Variants in PLPPR5 observed in about 807,000 individuals in gnomAD.
PLPPR5 encodes phospholipid phosphatase-related protein type 5.
A neutral mutation model predicts 33.9 loss-of-function variants in PLPPR5; 16 were observed. The observed-to-expected ratio is 0.47, with a 90% CI of 0.32 to 0.72. The LOEUF (loss-of-function observed/expected upper bound fraction) is 0.72, where lower values mean the gene tolerates loss of function less well. PLPPR5 is among the 30% of genes least tolerant of loss of function. The pLI is 0.03. For missense variants in PLPPR5, 301 were observed against 406.7 expected, an observed-to-expected ratio of 0.74 and a Z score of 2.23; for synonymous variants, 163 against 150.3, an observed-to-expected ratio of 1.08 and a Z score of -0.62.
intron 3 of PLPPR5, among the ~76,000 whole-genome samples, chr1:98,926,939 A>T (rs2101169513): frequency 6.6e-6 from 1 of 152,294 alleles, no homozygotes; most frequent in South Asian, 2.1e-4. Context: ...TGATTCACTG[A>T]TAAATTTGCC....
chr1:98,907,151 C>T (rs958180195), intron 5 of PLPPR5, among the ~76,000 whole-genome samples: 12 of 150,322 alleles, frequency 8.0e-5, no homozygotes, highest in Non-Finnish European at 1.3e-4. Flanking sequence ...ATTTCCTTGA[C>T]TGTGGAAAGA....
chr1:98,954,870 T>C (rs768962090), intron 2 of PLPPR5, among the ~76,000 whole-genome samples: 12 of 152,124 alleles, frequency 7.9e-5, no homozygotes, highest in Admixed American at 7.2e-4. Flanking sequence ...CTTTGAAATC[T>C]AGGCTGTTTG....
chr1:98,922,131 G>A (rs1649579820), intron 3 of PLPPR5, 73 bp from the exon 4 acceptor site: 8 of 1,353,944 alleles, frequency 5.9e-6, no homozygotes, highest in Non-Finnish European at 7.2e-6. Context: ...TTATGTGTAT[G>A]TACAAACATA....
At chr1:98,922,853 C>T (rs771355782) in intron 3 of PLPPR5, among the ~76,000 whole-genome samples, 4 of 152,000 alleles carry the variant, frequency 2.6e-5, no homozygotes, top group African/African-American at 7.2e-5. Flanking sequence ...GGCGTGGTGG[C>T]GGGCACCTGT....
At chr1:98,952,209 G>A (rs1650809690) in intron 3 of PLPPR5, among the ~76,000 whole-genome samples, 1 of 150,452 alleles carries the variant, frequency 6.6e-6, no homozygotes, top group Admixed American at 6.7e-5. Context: ...CTTGCAGTGA[G>A]CTGAGATTGC....
At chr1:98,990,137 G>A (rs2100759762) in intron 1 of PLPPR5, among the ~76,000 whole-genome samples, 1 of 152,302 alleles carries the variant, frequency 6.6e-6, no homozygotes, top group Non-Finnish European at 1.5e-5. Context: ...GGGAGGCCAA[G>A]GTGGGTGGAT....
chr1:98,907,056 A>C (rs1648925634), intron 5 of PLPPR5, among the ~76,000 whole-genome samples: 1 of 151,990 alleles, frequency 6.6e-6, no homozygotes, highest in South Asian at 2.1e-4. Context: ...TTTTAATCCC[A>C]CCACGGCATT....
intron 1 of PLPPR5, among the ~76,000 whole-genome samples, chr1:98,993,148 G>A (rs1222292767): frequency 6.6e-6 from 1 of 152,118 alleles, no homozygotes; most frequent in East Asian, 1.9e-4. Flanking sequence ...TAACTCATTA[G>A]TTGCATAACC....
chr1:98,904,575 C>T (rs886153773), intron 5 of PLPPR5, among the ~76,000 whole-genome samples: 1 of 151,976 alleles, frequency 6.6e-6, no homozygotes. Flanking sequence ...TTCTATATGG[C>T]ATCAGTTAAA....
chr1:99,000,851 A>G (rs2100769037), intron 1 of PLPPR5, among the ~76,000 whole-genome samples: 1 of 152,292 alleles, frequency 6.6e-6, no homozygotes, highest in Non-Finnish European at 1.5e-5. Context: ...CCTTAGGATC[A>G]GTTACTATGG....
chr1:98,893,591 C>T (rs902254634), intron 5 of PLPPR5, among the ~76,000 whole-genome samples: 2 of 148,120 alleles, frequency 1.4e-5, no homozygotes, highest in South Asian at 4.3e-4. Context: ...CTGTTGTTTA[C>T]CTCTACCACA....
rs1165266027 is a variant in PLPPR5 at position 99,004,661 on chromosome 1, A to G, written c.11T>C (p.Leu4Pro). The change falls in exon 1 of 6, where the codon CTG becomes CCG. Residue 4 changes from leucine (L) to proline (P), a missense_variant. Coordinates refer to ENST00000263177, the MANE Select transcript of PLPPR5 (RefSeq NM_001037317.2). Reference protein sequence around the residue: MPLLPAALTSSMLY... With the variant: MPLPPAALTSSMLY... ...CATGCTGCTGGTGAGCGCCGCGGGC[A>G]GCAGGGGCATGCACGCCTCCCGGGC... is the stretch of plus-strand genomic sequence containing the variant. The G allele has an allele frequency of 6.2e-7, 1 of 1,610,608 alleles. No homozygotes were observed. The highest frequency in any genetic ancestry group is 1.1e-5 in the South Asian group (1 of 90,822).
At chr1:98,935,910 C>G in intron 3 of PLPPR5, among the ~76,000 whole-genome samples, 1 of 152,218 alleles carries the variant, frequency 6.6e-6, no homozygotes, top group East Asian at 1.9e-4. Context: ...CCACCCAGAA[C>G]GAAGTGCCCA....
chr1:98,893,715 G>A (rs1260475347), intron 5 of PLPPR5, among the ~76,000 whole-genome samples: 1 of 144,572 alleles, frequency 6.9e-6, no homozygotes, highest in Non-Finnish European at 1.5e-5. Flanking sequence ...GCATGCAACA[G>A]GCCATGTCAT....
intron 1 of PLPPR5, among the ~76,000 whole-genome samples, chr1:98,995,648 A>G (rs1036886902): frequency 1.3e-5 from 2 of 152,018 alleles, no homozygotes; most frequent in African/African-American, 4.8e-5. Context: ...GAGCATGTCA[A>G]CTTGGGGACC....
At chr1:98,956,807 T>C in intron 1 of PLPPR5, 66 bp from the exon 2 acceptor site, 2 of 1,285,454 alleles carry the variant, frequency 1.6e-6, no homozygotes, top group East Asian at 2.8e-5. Flanking sequence ...AATATTTTTA[T>C]TTTAAAAATG....
chr1:98,989,312 A>G (rs1292876764), intron 1 of PLPPR5, among the ~76,000 whole-genome samples: 4 of 151,834 alleles, frequency 2.6e-5, no homozygotes. Flanking sequence ...TCATAATAGT[A>G]CTCTCCTTGG....
chr1:98,987,782 A>T (rs1652308311), intron 1 of PLPPR5, among the ~76,000 whole-genome samples: 1 of 152,012 alleles, frequency 6.6e-6, no homozygotes. Context: ...GATGAAATAA[A>T]CTAATAAAGA....
At chr1:98,986,392 G>A (rs1174082213) in intron 1 of PLPPR5, among the ~76,000 whole-genome samples, 1 of 151,476 alleles carries the variant, frequency 6.6e-6, no homozygotes, top group African/African-American at 2.4e-5. Flanking sequence ...TTAATTCCCA[G>A]GTTTTCACTA....
Sources: allele counts gnomAD v4.1 joint callset (sites outside exome capture counted in the v4.1 genomes callset), GRCh38; gene constraint gnomAD v4.1.1; transcripts MANE v1.5; gene names NCBI Gene and HGNC (gene_info 2026-07-23, HGNC 2026-07-21).